Variants in JUP observed in about 807,000 individuals in gnomAD.
The protein encoded by JUP is junction plakoglobin, also known as catenin (cadherin-associated protein), gamma 80kDa.
JUP carries 28 observed loss-of-function variants against 71.1 expected under a neutral mutation model. That is an observed-to-expected ratio of 0.39 (90% confidence interval 0.29 to 0.54). The LOEUF (loss-of-function observed/expected upper bound fraction) is 0.54. Ranked by LOEUF, JUP falls within the 20% of genes least tolerant of loss-of-function variation. The probability of loss-of-function intolerance (pLI) is 0.62; values close to 1 mark genes in which losing one functional copy is unlikely to be tolerated. For missense variants in JUP, 869 were observed against 1,030.1 expected (o/e 0.84, Z 2.14); for synonymous variants, 401 against 438.9 (o/e 0.91, Z 1.08).
intron 1 of JUP, chr17:41,775,828 A>G (rs797037834): frequency 2.3e-4 from 59 of 253,564 alleles, no homozygotes; most frequent in African/African-American, 2.1e-4. Context: ...TGAGCAAGTA[A>G]TAAGGCTAGA....
At chr17:41,761,324 G>A (rs944507622) in intron 8 of JUP, among the ~76,000 whole-genome samples, 3 of 152,210 alleles carry the variant, frequency 2.0e-5, no homozygotes, top group Non-Finnish European at 4.4e-5. Context: ...GTGGCTGAAT[G>A]ACCAAGTTCT....
At chr17:41,776,960 C>T (rs1347768752) in intron 1 of JUP, among the ~76,000 whole-genome samples, 3 of 152,062 alleles carry the variant, frequency 2.0e-5, no homozygotes, top group African/African-American at 4.8e-5. Flanking sequence ...GAGCCGAGAT[C>T]GCACCAATTG....
intron 10 of JUP, 71 bp downstream of exon 10, chr17:41,758,328 T>C: frequency 6.2e-7 from 1 of 1,601,086 alleles, no homozygotes; most frequent in Non-Finnish European, 8.5e-7. Flanking sequence ...GCCTCCCAAA[T>C]CTGGGACTCC....
chr17:41,762,861 T>C lies in JUP; in HGVS notation c.1497+122A>G, dbSNP rs782370073. The stretch of plus-strand genomic sequence containing the variant: ...TCTAAACTATTACACGAGAGAGAAA[T>C]AAACTTCTGTCTTATTCGAGCCACT... On this transcript the variant is annotated intron_variant, in intron 8 of 13. Coordinates refer to ENST00000393931, the MANE Select transcript of JUP (RefSeq NM_002230.4). 20 of 761,848 alleles carry C rather than the reference T, an allele frequency of 2.6e-5. No individual in the cohort carries two copies. In the Admixed American group the frequency reaches 3.4e-4, roughly 13 times the overall value. The allele number at this position is 761,848 out of a possible 1,614,324, so 47.2% of individuals were successfully genotyped here.
chr17:41,783,278 G>A (rs75219098), intron 1 of JUP, among the ~76,000 whole-genome samples: 12,715 of 138,422 alleles, frequency 0.092, 1,284 homozygotes, highest in African/African-American at 0.27. Flanking sequence ...TGCGAATAAT[G>A]ATACGCGTTT....
intron 1 of JUP, among the ~76,000 whole-genome samples, chr17:41,774,146 C>A (rs1171747151): frequency 1.3e-5 from 2 of 151,936 alleles, no homozygotes; most frequent in East Asian, 3.9e-4. Flanking sequence ...GGCCCCTCAC[C>A]ACCCCCACCA....
intron 12 of JUP, among the ~76,000 whole-genome samples, 157 bp from the exon 13 acceptor site, chr17:41,756,371 C>A (rs782144202): frequency 6.6e-6 from 1 of 151,138 alleles, no homozygotes; most frequent in Non-Finnish European, 1.5e-5. Flanking sequence ...AGACAGCAGG[C>A]GGATCACTTG....
intron 8 of JUP, among the ~76,000 whole-genome samples, chr17:41,759,135 G>A (rs1295478036): frequency 6.8e-6 from 1 of 146,974 alleles, no homozygotes; most frequent in Non-Finnish European, 1.5e-5. Flanking sequence ...GTGCAGTGGT[G>A]CAATCTCACC....
chr17:41,755,404 C>T lies in JUP; in HGVS notation c.*340G>A, dbSNP rs954793473. Reference sequence around the variant, plus strand: ...TTTCTGTCTTGCCCCATCGCCTGCACGGAGAGCCTCTCAGATGAGGAACCG... The same window carrying T: ...TTTCTGTCTTGCCCCATCGCCTGCATGGAGAGCCTCTCAGATGAGGAACCG... On this transcript the variant is annotated 3_prime_UTR_variant, in exon 14 of 14. Transcript: ENST00000393931. 9.8e-5 allele frequency: 40 copies of T among 408,972 alleles called. No individual in the cohort carries two copies. The Admixed American group carries it at 1.1e-3, about 11-fold the overall frequency. 25.3% of individuals were successfully genotyped at this position (408,972 alleles called of 1,614,324 possible). A position where few individuals can be genotyped will look rare whatever the true frequency, so the allele number is the denominator to read the frequency against.
At chr17:41,768,759 C>T (rs1324953506) in intron 4 of JUP, among the ~76,000 whole-genome samples, 12 of 152,242 alleles carry the variant, frequency 7.9e-5, no homozygotes. Context: ...GCTCTTCTGC[C>T]ATAGCCTGTG....
chr17:41,784,365 C>G (rs1555611196), intron 1 of JUP, among the ~76,000 whole-genome samples: 1 of 152,114 alleles, frequency 6.6e-6, no homozygotes, highest in African/African-American at 2.4e-5. Flanking sequence ...CTTGATCTAG[C>G]AAGAAATGAC....
At position 41,758,884 on chromosome 17, in the gene JUP, G is replaced by A; in HGVS notation, c.1498-14C>T. The A allele has an allele frequency of 6.2e-7, 1 of 1,604,258 alleles. No individual in the cohort carries two copies. The highest frequency in any genetic ancestry group is 1.1e-5 in the South Asian group (1 of 90,304). On this transcript the variant is annotated splice_polypyrimidine_tract_variant and intron_variant, in intron 8 of 13. Coordinates refer to ENST00000393931, the MANE Select transcript of JUP (RefSeq NM_002230.4). ...GCCGATGGTTGCCTGGCAAAAAAAG[G>A]GGCAGTGATCAGGGGCACTTCTTGG...
intron 4 of JUP, among the ~76,000 whole-genome samples, 171 bp from the exon 5 acceptor site, chr17:41,767,751 A>G (rs1202233473): frequency 3.3e-5 from 5 of 152,196 alleles, no homozygotes; most frequent in African/African-American, 4.8e-5. Flanking sequence ...GCTCTTAAGC[A>G]TGAAGCAAAC....
intron 1 of JUP, among the ~76,000 whole-genome samples, chr17:41,783,487 C>T (rs1429442093): frequency 1.3e-5 from 2 of 151,840 alleles, no homozygotes; most frequent in African/African-American, 4.8e-5. Flanking sequence ...CAGGGTTTCT[C>T]CATGTTGCCC....
chr17:41,757,955 T>A (rs562109082), intron 10 of JUP, among the ~76,000 whole-genome samples, 171 bp from the exon 11 acceptor site: 37 of 152,168 alleles, frequency 2.4e-4, no homozygotes, highest in Non-Finnish European at 4.9e-4. Flanking sequence ...GCATTGTTCA[T>A]GAGCTACCTT....
intron 2 of JUP, among the ~76,000 whole-genome samples, chr17:41,770,667 G>A (rs1473614771): frequency 1.3e-5 from 2 of 152,330 alleles, no homozygotes; most frequent in Admixed American, 1.3e-4. Context: ...CAGGGCCCTG[G>A]AGGCACCTGT....
intron 1 of JUP, 24 bp downstream of exon 1, chr17:41,786,564 A>T (rs1476158323): frequency 1.2e-5 from 1 of 84,826 alleles, no homozygotes; most frequent in African/African-American, 4.3e-5. Context: ...CCCCAACGAT[A>T]CCTGCGCCCC....
chr17:41,773,002 A>G, intron 1 of JUP: 1 of 985,508 alleles, frequency 1.0e-6, no homozygotes, highest in Non-Finnish European at 1.2e-6. Flanking sequence ...CGTCATGCTC[A>G]TGGGCGGGTT....
At position 41,755,070 on chromosome 17, in the gene JUP, T is replaced by C. The variant is rs1026596800; in HGVS notation, c.*674A>G. The stretch of plus-strand genomic sequence containing the variant: ...GGAGGCCCTGGGGGCTTAGGGCAGT[T>C]GGTCGGTGGAGTTCAGTGAGAAAAT... On this transcript the variant is annotated 3_prime_UTR_variant, in exon 14 of 14. Transcript: ENST00000393931. 2.6e-5 allele frequency: 10 copies of C among 386,664 alleles called. No individual in the cohort carries two copies. In the Admixed American group the frequency reaches 4.0e-4, roughly 16 times the overall value. The allele number at this position is 386,664 out of a possible 1,614,324, so 24.0% of individuals were successfully genotyped here.
Sources: gnomAD v4.1 joint callset for allele counts (sites outside exome capture counted in the v4.1 genomes callset) on GRCh38, gnomAD v4.1.1 for gene constraint, MANE v1.5 for transcripts, NCBI Gene and HGNC (gene_info 2026-07-23, HGNC 2026-07-21) for gene names.